SLC24A2: variants seen among roughly 807,000 people sequenced by gnomAD.
SLC24A2 encodes the protein solute carrier family 24 member 2.
SLC24A2 carries 36 observed loss-of-function variants against 62.0 expected under a neutral mutation model. The ratio of observed to expected loss-of-function variants is 0.58; its 90% CI spans 0.44 to 0.77. The LOEUF (loss-of-function observed/expected upper bound fraction) is 0.77. SLC24A2 is among the 30% of genes least tolerant of loss of function. The pLI, the probability that SLC24A2 is intolerant of heterozygous loss-of-function variation, is 0.00. For synonymous variants in SLC24A2, 358 were observed against 294.0 expected (o/e 1.22, Z -2.23); for missense variants, 846 against 817.9 (o/e 1.03, Z -0.42).
At chr9:20,154,515 A>T in the SLC24A2 span, among the ~76,000 whole-genome samples, 4 of 151,810 alleles carry the variant, frequency 2.6e-5, no homozygotes, top group Non-Finnish European at 5.9e-5. Context: ...AATTACAATA[A>T]TTATAAAGAA....
the SLC24A2 span, among the ~76,000 whole-genome samples, chr9:20,185,531 T>G: frequency 6.6e-6 from 1 of 151,316 alleles, no homozygotes; most frequent in Admixed American, 6.6e-5. Context: ...TGGGCGTGGT[T>G]GTGGGCGCCT....
At chr9:20,263,369 A>T in the SLC24A2 span, among the ~76,000 whole-genome samples, 1 of 152,082 alleles carries the variant, frequency 6.6e-6, no homozygotes, top group Admixed American at 6.6e-5. Flanking sequence ...TGCTCACCTC[A>T]GCCTCCTGAG....
chr9:19,760,850 G>C (rs1020786397), intron 2 of SLC24A2, among the ~76,000 whole-genome samples: 1 of 147,572 alleles, frequency 6.8e-6, no homozygotes, highest in African/African-American at 2.5e-5. Context: ...ACTCATAGGT[G>C]GAAATTGAAC....
chr9:19,526,498 C>A (rs895698733), intron 9 of SLC24A2, among the ~76,000 whole-genome samples: 7 of 152,144 alleles, frequency 4.6e-5, no homozygotes, highest in Non-Finnish European at 1.0e-4. Flanking sequence ...TTCTATACAT[C>A]CTCATCAACA....
chr9:19,610,990 G>T (rs879083475), intron 4 of SLC24A2, among the ~76,000 whole-genome samples: 1 of 152,184 alleles, frequency 6.6e-6, no homozygotes, highest in Admixed American at 6.5e-5. Flanking sequence ...AAATACATAC[G>T]TTCACGGGGA....
chr9:19,819,283 G>C, the SLC24A2 span, among the ~76,000 whole-genome samples: 1 of 152,114 alleles, frequency 6.6e-6, no homozygotes, highest in Admixed American at 6.6e-5. Flanking sequence ...CTAGACATTG[G>C]CTTAGGCAAG....
At chr9:19,624,092 TC>T (rs1817974706) in intron 2 of SLC24A2, among the ~76,000 whole-genome samples, 1 of 152,198 alleles carries the variant, frequency 6.6e-6, no homozygotes, top group South Asian at 2.1e-4. Flanking sequence ...CTCTGGCAGG[TC>T]CTCTCCTTTT....
At chr9:20,129,563 T>C in the SLC24A2 span, among the ~76,000 whole-genome samples, 1 of 152,084 alleles carries the variant, frequency 6.6e-6, no homozygotes, top group Non-Finnish European at 1.5e-5. Context: ...AAACAAATTA[T>C]GGTATATCCA....
chr9:20,199,701 G>A, the SLC24A2 span, among the ~76,000 whole-genome samples: 1 of 151,618 alleles, frequency 6.6e-6, no homozygotes, highest in Admixed American at 6.6e-5. Flanking sequence ...TCTGATATCT[G>A]GGTTTCTTTC....
At chr9:19,850,981 ATATG>A in the SLC24A2 span, among the ~76,000 whole-genome samples, 288 of 41,142 alleles carry the variant, frequency 7.0e-3, 15 homozygotes, top group Non-Finnish European at 9.5e-3. Flanking sequence ...ATATATATAT[ATATG>A]TATATATATA....
At chr9:20,062,741 A>G in the SLC24A2 span, among the ~76,000 whole-genome samples, 6 of 124,020 alleles carry the variant, frequency 4.8e-5, no homozygotes, top group Non-Finnish European at 8.1e-5. Flanking sequence ...CAACCTACTC[A>G]TCTGACAAAG....
intron 5 of SLC24A2, among the ~76,000 whole-genome samples, chr9:19,587,685 G>C (rs1464194901): frequency 6.6e-6 from 1 of 151,940 alleles, no homozygotes; most frequent in Non-Finnish European, 1.5e-5. Context: ...TCATGGTTGA[G>C]GGGAATCATA....
chr9:19,771,038 T>C (rs907216091), intron 2 of SLC24A2, among the ~76,000 whole-genome samples: 3 of 152,170 alleles, frequency 2.0e-5, no homozygotes, highest in African/African-American at 7.2e-5. Context: ...AATGTTTTAT[T>C]AAAAATAAAT....
intron 8 of SLC24A2, among the ~76,000 whole-genome samples, chr9:19,549,315 C>T (rs960609259): frequency 1.3e-5 from 2 of 152,204 alleles, no homozygotes; most frequent in African/African-American, 4.8e-5. Flanking sequence ...CTTTGACACT[C>T]TTCCCAACAG....
At chr9:19,894,812 A>G in the SLC24A2 span, among the ~76,000 whole-genome samples, 6 of 152,322 alleles carry the variant, frequency 3.9e-5, no homozygotes, top group Admixed American at 1.3e-4. Context: ...TTTCCTATCC[A>G]AATGGACTTC....
chr9:20,077,962 G>A, the SLC24A2 span, among the ~76,000 whole-genome samples: 3 of 152,146 alleles, frequency 2.0e-5, no homozygotes, highest in Admixed American at 6.5e-5. Flanking sequence ...TAGAGGTTAG[G>A]CTCCACTAAA....
the SLC24A2 span, among the ~76,000 whole-genome samples, chr9:20,240,548 C>G: frequency 1.3e-5 from 2 of 152,166 alleles, no homozygotes; most frequent in East Asian, 3.8e-4. Context: ...GGCTTGGGGC[C>G]AAACTAAGCA....
chr9:20,064,864 A>G, the SLC24A2 span, among the ~76,000 whole-genome samples: 2 of 152,206 alleles, frequency 1.3e-5, no homozygotes, highest in African/African-American at 2.4e-5. Context: ...CAAAGAGCCC[A>G]GTGTGAGAAT....
the SLC24A2 span, among the ~76,000 whole-genome samples, chr9:20,018,107 C>T: frequency 3.9e-5 from 6 of 152,054 alleles, no homozygotes; most frequent in East Asian, 1.9e-4. Context: ...CCACCAGGCC[C>T]GGCTAATTTT....
Sources: allele counts gnomAD v4.1 joint callset (sites outside exome capture counted in the v4.1 genomes callset), GRCh38; gene constraint gnomAD v4.1.1; transcripts MANE v1.5; gene names NCBI Gene and HGNC (gene_info 2026-07-23, HGNC 2026-07-21).